Variants in KANK3 observed in about 807,000 individuals in gnomAD.
The protein encoded by KANK3 is KN motif and ankyrin repeat domain-containing protein 3.
A neutral mutation model predicts 65.4 loss-of-function variants in KANK3; 61 were observed. That is an observed-to-expected ratio of 0.93 (90% CI 0.76 to 1.15). KANK3 has a LOEUF of 1.15. Ranked by LOEUF, KANK3 falls within the 50% of genes most tolerant of loss-of-function variation. The pLI, the probability that KANK3 is intolerant of heterozygous loss-of-function variation, is 0.00. For missense variants in KANK3, 1,187 were observed against 1,178.8 expected, an observed-to-expected ratio of 1.01 and a Z score of -0.10; for synonymous variants, 586 against 543.3, an observed-to-expected ratio of 1.08 and a Z score of -1.09.
chr19:8,334,269 C>A (rs1048945642), intron 4 of KANK3, 51 bp downstream of exon 4: 2 of 1,607,800 alleles, frequency 1.2e-6, no homozygotes, highest in Non-Finnish European at 8.5e-7. Context: ...GGGGTTCCAA[C>A]CCCAGTCTAT....
intron 10 of KANK3, 93 bp from the exon 11 acceptor site, chr19:8,323,015 T>G: frequency 1.4e-6 from 1 of 716,544 alleles, no homozygotes; most frequent in South Asian, 2.1e-5. Flanking sequence ...GGAGGTTCTT[T>G]TACCATGGAC....
chr19:8,333,143 C>A lies in KANK3; in HGVS notation c.1807G>T (p.Gly603Trp). 6.2e-7 allele frequency: 1 copy of A among 1,613,076 alleles called. No individual in the cohort carries two copies. ...AGTTCGGGTCCCAGGCGCCTCACCC[C>A]TTCCAGCATCCTGGCCACGGGCTCC... ...QAEPVARMLE[G>W]VRRLGPELLA... Residue 603 changes from glycine (G) to tryptophan (W), a missense_variant, in exon 7 of 11, where the codon GGG (glycine) becomes TGG (tryptophan). Transcript: ENST00000330915. This position sits in a 1 kb window ranked among gnomAD's most constrained non-coding sequence, Gnocchi z 5.0.
rs1970613884 is a variant in KANK3 at position 8,335,248 on chromosome 19, C to A, written c.579G>T (p.Ala193=). The change falls in exon 3 of 11, where the codon GCG becomes GCT. Residue 193 remains alanine, a synonymous_variant. Coordinates refer to ENST00000330915, the MANE Select transcript of KANK3 (RefSeq NM_198471.3). The part of the protein sequence containing the change: ...LQLVREQMAA[A]LRRLRELEDQ... ...CCTCGAGCTCGCGCAGGCGCCGCAG[C>A]GCCGCGGCCATCTGCTCGCGCACCA... is the stretch of plus-strand genomic sequence containing the variant. 1 of 1,226,106 alleles carries A rather than the reference C, an allele frequency of 8.2e-7. No homozygotes were observed. Among genetic ancestry groups the A allele is most frequent in the Admixed American group, 4.2e-5 (1 of 23,536 alleles). 76.0% of individuals were successfully genotyped at this position (1,226,106 alleles called of 1,614,324 possible).
intron 1 of KANK3, among the ~76,000 whole-genome samples, chr19:8,339,376 T>TTG (rs1970693801): frequency 6.6e-6 from 1 of 151,294 alleles, no homozygotes. Flanking sequence ...TTTTTTTTTT[T>TTG]GAGACAGAAT....
chr19:8,324,909 A>AGT, intron 8 of KANK3, 42 bp downstream of exon 8: 1 of 1,605,708 alleles, frequency 6.2e-7, no homozygotes, highest in Non-Finnish European at 8.5e-7. Context: ...CCAAAGTGGA[A>AGT]GTGACTCCTG....
At chr19:8,332,252 A>C (rs954393167) in intron 7 of KANK3, among the ~76,000 whole-genome samples, 1 of 151,896 alleles carries the variant, frequency 6.6e-6, no homozygotes, top group Non-Finnish European at 1.5e-5. Flanking sequence ...ATCTCAGCTC[A>C]CTGCAACCTC....
chr19:8,324,993 CTG>C lies in KANK3; in HGVS notation c.2038_2039del (p.Gln680GlufsTer7). 1 of 1,611,896 alleles carries C rather than the reference CTG, an allele frequency of 6.2e-7. No individual in the cohort carries two copies. Among genetic ancestry groups the C allele is most frequent in the Non-Finnish European group, 8.5e-7 (1 of 1,179,692 alleles). On this transcript the variant is annotated frameshift_variant, in exon 8 of 11. Coordinates refer to ENST00000330915, the MANE Select transcript of KANK3 (RefSeq NM_198471.3). LOFTEE classifies it high-confidence loss of function. ...TGACATCACCCATGCAGAAGAGTCT[CTG>C]GACCACAGCCATGTCCTCCTCTTCC... ...RQEEEDMAVV[Q>X]RLFCMGDVNA...
At chr19:8,330,829 G>T (rs137964228) in intron 7 of KANK3, among the ~76,000 whole-genome samples, 1 of 152,204 alleles carries the variant, frequency 6.6e-6, no homozygotes, top group East Asian at 1.9e-4. Flanking sequence ...ACTTGAACCC[G>T]GGAGGTGGAG....
rs1568575650 is a variant in KANK3 at position 8,334,349 on chromosome 19, G to A, written c.1398C>T (p.Ser466=). Residue 466 remains serine, a synonymous_variant, in exon 4 of 11, where the codon AGC becomes AGT. Coordinates refer to ENST00000330915, the MANE Select transcript of KANK3 (RefSeq NM_198471.3). ...CGTTGAGGACCCCAACAAACTGCAG[G>A]CTCTTGGGTCCGGAGCTGGGTTGGG... The part of the protein sequence containing the change: ...PGAQPSSGPK[S]LQFVGVLNGE... 8 of 1,614,038 alleles carry A rather than the reference G, an allele frequency of 5.0e-6. No homozygotes were observed. The highest frequency in any genetic ancestry group is 6.8e-6 in the Non-Finnish European group (8 of 1,180,024).
intron 10 of KANK3, among the ~76,000 whole-genome samples, chr19:8,323,905 C>T (rs1015707624): frequency 6.6e-6 from 1 of 152,146 alleles, no homozygotes; most frequent in Non-Finnish European, 1.5e-5. Context: ...CACCCAGTCT[C>T]CAGTTCTGAA....
chr19:8,331,407 T>C (rs1239911953), intron 7 of KANK3, among the ~76,000 whole-genome samples: 1 of 151,954 alleles, frequency 6.6e-6, no homozygotes, highest in East Asian at 1.9e-4. Context: ...AGCAGCTATA[T>C]CCTTTCCTAG....
chr19:8,324,819 TGTCTGCCCC>T lies in KANK3; in HGVS notation c.2085_2093del (p.Gly696_Thr698del). The stretch of plus-strand genomic sequence containing the variant: ...CATGGCTGATGGCCAGCATGAGGGC[TGTCTGCCCC>T]GTCTGGGGAGTGGGGAGGAAGAGGG... On this transcript the variant is annotated inframe_deletion and splice_region_variant, in exon 9 of 11. Transcript: ENST00000330915. 1 of 1,611,130 alleles carries T rather than the reference TGTCTGCCCC, an allele frequency of 6.2e-7. No homozygotes were observed. Among genetic ancestry groups the T allele is most frequent in the Non-Finnish European group, 8.5e-7 (1 of 1,178,306 alleles).
At chr19:8,338,435 A>C (rs1286877974) in intron 1 of KANK3, among the ~76,000 whole-genome samples, 1 of 152,166 alleles carries the variant, frequency 6.6e-6, no homozygotes, top group African/African-American at 2.4e-5. Context: ...CAAGAAAACA[A>C]GGGTAGCTGG....
chr19:8,322,918 T>C lies in KANK3; in HGVS notation c.2387A>G (p.Glu796Gly), dbSNP rs1278449736. ...GGCTGTCTGGGAGCCAGGGGGTGAC[T>C]CGCTCTGGAGAGAGGGGAAAAGAGG... The part of the protein sequence containing the change: ...LSSGQPDTQS[E>G]SPPGSQTATP... Residue 796 changes from glutamate (E) to glycine (G), a missense_variant, in exon 11 of 11, where the codon GAG (glutamate) becomes GGG (glycine). By Grantham distance (98) the Glu-to-Gly change is moderately conservative. Coordinates refer to ENST00000330915, the MANE Select transcript of KANK3 (RefSeq NM_198471.3). 1 of 1,531,342 alleles carries C rather than the reference T, an allele frequency of 6.5e-7. No individual in the cohort carries two copies. Among genetic ancestry groups the C allele is most frequent in the South Asian group, 1.2e-5 (1 of 81,366 alleles). 94.9% of individuals were successfully genotyped at this position (1,531,342 alleles called of 1,614,324 possible).
chr19:8,334,568 T>A lies in KANK3; in HGVS notation c.1259A>T (p.Glu420Val), dbSNP rs533514076. Residue 420 changes from glutamate to valine, a missense_variant, in exon 3 of 11, where the codon GAG (glutamate) becomes GTG (valine). Glu to Val is a moderately radical substitution (Grantham distance 121). This residue lies in a region of KANK3 where 1,078 missense variants were observed against 1,038.2 expected (regional missense o/e 1.04). Coordinates refer to ENST00000330915, the MANE Select transcript of KANK3 (RefSeq NM_198471.3). ...EKAAQTESPA[E>V]APSLTQESSP... Reference sequence around the variant, plus strand: ...GCTCTCCTGAGTCAAGGAGGGCGCCTCTGCCGGGGACTCGGTCTGCGCGGC... The same window carrying A: ...GCTCTCCTGAGTCAAGGAGGGCGCCACTGCCGGGGACTCGGTCTGCGCGGC... 65 of 1,598,410 alleles carry A rather than the reference T, an allele frequency of 4.1e-5. No homozygotes were observed. In the South Asian group the frequency reaches 4.9e-4, roughly 12 times the overall value.
chr19:8,326,830 G>C (rs1316609717), intron 7 of KANK3, among the ~76,000 whole-genome samples: 1 of 151,292 alleles, frequency 6.6e-6, no homozygotes, highest in African/African-American at 2.4e-5. Flanking sequence ...CCAACACCTT[G>C]ATTTCAGAAG....
rs1197775648 is a variant in KANK3 at position 8,334,491 on chromosome 19, G to T, written c.1327+9C>A. On this transcript the variant is annotated intron_variant, in intron 3 of 10. Transcript: ENST00000330915. ...TAAGCCAGGGCCCAGCGACGGGGTC[G>T]GGACTCACCCGCGGGCGCCACGGCC... 6.2e-7 allele frequency: 1 copy of T among 1,606,760 alleles called. No individual in the cohort carries two copies.
chr19:8,339,029 T>A (rs368375941), intron 1 of KANK3, among the ~76,000 whole-genome samples: 1 of 152,016 alleles, frequency 6.6e-6, no homozygotes, highest in Non-Finnish European at 1.5e-5. Context: ...CTCCCTGGAA[T>A]GTCGCTAGCG....
chr19:8,322,845 A>C lies in KANK3; in HGVS notation c.2460T>G (p.Val820=). ...GTGAGCCAGACGAGGCAGCTTACTGAACCTGGGGGTTCTCTCCATTGTCAC... is the reference window on the plus strand; with the variant it reads ...GTGAGCCAGACGAGGCAGCTTACTGCACCTGGGGGTTCTCTCCATTGTCAC... The part of the protein sequence containing the change: ...ECGDNGENPQ[V]Q The change falls in exon 11 of 11, where the codon GTT becomes GTG. Residue 820 remains valine (V), a synonymous_variant. Transcript: ENST00000330915. 1 of 1,603,636 alleles carries C rather than the reference A, an allele frequency of 6.2e-7. No individual in the cohort carries two copies.
Sources: gnomAD v4.1 joint callset for allele counts (sites outside exome capture counted in the v4.1 genomes callset) on GRCh38, gnomAD v4.1.1 for gene constraint, gnomAD v4.1.1 regional missense constraint, Gnocchi (gnomAD v3.1) non-coding constraint, MANE v1.5 for transcripts, NCBI Gene and HGNC (gene_info 2026-07-23, HGNC 2026-07-21) for gene names.